The following THEMIS variants were observed in gnomAD, a reference collection of about 807,000 sequenced individuals.
The protein encoded by THEMIS is thymocyte selection associated.
A neutral mutation model predicts 52.6 loss-of-function variants in THEMIS; 37 were observed. The observed-to-expected ratio is 0.70, with a 90% CI of 0.54 to 0.93. The LOEUF (loss-of-function observed/expected upper bound fraction) is 0.93. Among genes scored for constraint, THEMIS ranks in the 40% least tolerant of loss-of-function variants. The probability of loss-of-function intolerance (pLI) is 0.00; values close to 1 mark genes in which losing one functional copy is unlikely to be tolerated. For synonymous variants in THEMIS, 292 were observed against 272.7 expected (o/e 1.07, Z -0.70); for missense variants, 808 against 763.1 (o/e 1.06, Z -0.69).
At chr6:127,729,784 G>A (rs995492557) in intron 4 of THEMIS, among the ~76,000 whole-genome samples, 2 of 152,018 alleles carry the variant, frequency 1.3e-5, no homozygotes, top group Non-Finnish European at 2.9e-5. Context: ...AAGTTCATTC[G>A]AGTAATGAGT....
intron 4 of THEMIS, among the ~76,000 whole-genome samples, chr6:127,731,732 C>T (rs1774805414): frequency 7.8e-6 from 1 of 128,766 alleles, no homozygotes; most frequent in Non-Finnish European, 1.6e-5. Context: ...GAGTCTCGCT[C>T]TGTCGCCCAG....
At chr6:127,855,281 A>G (rs1562302717) in intron 1 of THEMIS, 93 bp from the exon 2 acceptor site, 10 of 1,085,138 alleles carry the variant, frequency 9.2e-6, no homozygotes, top group Non-Finnish European at 1.3e-5. Context: ...GTTTTAATTC[A>G]GTTCCTCTCT....
At chr6:127,847,710 C>T (rs1012370976) in intron 2 of THEMIS, among the ~76,000 whole-genome samples, 6 of 151,764 alleles carry the variant, frequency 4.0e-5, no homozygotes, top group African/African-American at 1.5e-4. Flanking sequence ...GTGAAAATGA[C>T]CACACTGCCC....
At chr6:127,798,558 G>C (rs1169443240) in intron 4 of THEMIS, among the ~76,000 whole-genome samples, 1 of 152,122 alleles carries the variant, frequency 6.6e-6, no homozygotes, top group African/African-American at 2.4e-5. Flanking sequence ...TATTCTCTGA[G>C]CTTCAGTGTT....
intron 4 of THEMIS, among the ~76,000 whole-genome samples, chr6:127,768,005 A>T (rs1313414909): frequency 6.6e-6 from 1 of 152,154 alleles, no homozygotes; most frequent in Non-Finnish European, 1.5e-5. Flanking sequence ...CGTGGGTCTG[A>T]TACAGTCTTT....
chr6:127,755,312 A>C (rs747795670), intron 4 of THEMIS, among the ~76,000 whole-genome samples: 8 of 152,202 alleles, frequency 5.3e-5, no homozygotes, highest in Admixed American at 1.3e-4. Flanking sequence ...GGGATTGGTT[A>C]GTTTGGCTTC....
intron 4 of THEMIS, among the ~76,000 whole-genome samples, chr6:127,788,881 T>C (rs1777064634): frequency 6.6e-6 from 1 of 152,072 alleles, no homozygotes; most frequent in Non-Finnish European, 1.5e-5. Context: ...GCTAAAGTAG[T>C]GTTTAGAGTG....
At chr6:127,824,925 AAAACAAACAAAC>A (rs57655447) in intron 3 of THEMIS, among the ~76,000 whole-genome samples, 1 of 151,214 alleles carries the variant, frequency 6.6e-6, no homozygotes, top group Non-Finnish European at 1.5e-5. Context: ...ACTCCGTCTC[AAAACAAACAAAC>A]AAACAAACAA....
At chr6:127,823,543 C>T (rs1481854636) in intron 3 of THEMIS, among the ~76,000 whole-genome samples, 2 of 152,000 alleles carry the variant, frequency 1.3e-5, no homozygotes, top group Non-Finnish European at 2.9e-5. Context: ...TTATTGAATG[C>T]TTATGGAACA....
In THEMIS at chr6:127,901,009, C is replaced by CAGACA; in HGVS notation, c.-78_-77insTGTCT. ...TCTGGGTGACACTTGTCTGCAATTG[C>CAGACA]AGCCCCTGCTCACCATTTCTTCCTC... On this transcript the variant is annotated 5_prime_UTR_variant, in exon 1 of 6. The change abolishes the stop of an existing upstream ORF in the 5' untranslated region. Transcript: ENST00000368248. 8.9e-7 allele frequency: 1 copy of CAGACA among 1,124,324 alleles called. No homozygotes were observed. Among genetic ancestry groups the CAGACA allele is most frequent in the Non-Finnish European group, 1.4e-6 (1 of 736,956 alleles). The allele number at this position is 1,124,324 out of a possible 1,614,324, so 69.6% of individuals were successfully genotyped here.
chr6:127,733,009 A>G (rs1317980433), intron 4 of THEMIS, among the ~76,000 whole-genome samples: 1 of 152,094 alleles, frequency 6.6e-6, no homozygotes, highest in African/African-American at 2.4e-5. Flanking sequence ...AGTCTATTTA[A>G]CCATTCTAGT....
intron 4 of THEMIS, among the ~76,000 whole-genome samples, chr6:127,721,860 G>A (rs1162432258): frequency 1.3e-5 from 2 of 151,956 alleles, no homozygotes; most frequent in Non-Finnish European, 2.9e-5. Context: ...ATCAAAGAAG[G>A]AATAAGCTTC....
At chr6:127,828,571 A>C (rs916799405) in intron 3 of THEMIS, among the ~76,000 whole-genome samples, 6 of 152,202 alleles carry the variant, frequency 3.9e-5, no homozygotes, top group African/African-American at 1.4e-4. Flanking sequence ...ATAATCCTGA[A>C]AATTCAAGGT....
chr6:127,793,109 T>C (rs1777212944), intron 4 of THEMIS, among the ~76,000 whole-genome samples: 2 of 152,154 alleles, frequency 1.3e-5, no homozygotes, highest in Admixed American at 1.3e-4. Context: ...CGAAAACAAA[T>C]TGAGTTAGTT....
chr6:127,784,990 TCTATCTATCTATCTATTATC>T (rs1248992074), intron 4 of THEMIS, among the ~76,000 whole-genome samples: 3 of 124,164 alleles, frequency 2.4e-5, no homozygotes, highest in Admixed American at 7.4e-5. Context: ...TATCTATCTA[TCTATCTATCTATCTATTATC>T]TATCTATCTA....
At chr6:127,859,919 A>T (rs1779740132) in intron 1 of THEMIS, among the ~76,000 whole-genome samples, 1 of 152,148 alleles carries the variant, frequency 6.6e-6, no homozygotes, top group Non-Finnish European at 1.5e-5. Context: ...AATAGGTGTG[A>T]TTATTTTTTG....
At position 127,824,893 on chromosome 6, in the gene THEMIS, C is replaced by G. The variant is rs151335886; in HGVS notation, c.709+4583G>C. ...TGAGCGGAGATTGCGCCACTGCACT[C>G]CAGCCTGGGCGACAGAGGGAGACTC... On this transcript the variant is annotated intron_variant, in intron 3 of 5. Transcript: ENST00000368248. Among the ~76,000 whole-genome samples, 403 of 152,050 alleles carry G rather than the reference C, an allele frequency of 2.7e-3. 3 individuals are homozygous for G. Among genetic ancestry groups the G allele is most frequent in the African/African-American group, 9.0e-3 (373 of 41,424 alleles).
intron 4 of THEMIS, among the ~76,000 whole-genome samples, chr6:127,728,211 G>A (rs1269309501): frequency 6.6e-6 from 1 of 152,064 alleles, no homozygotes; most frequent in Non-Finnish European, 1.5e-5. Flanking sequence ...CCATCCTCAC[G>A]ATCTTGGATT....
intron 4 of THEMIS, among the ~76,000 whole-genome samples, chr6:127,785,145 C>G (rs1301875451): frequency 6.6e-6 from 1 of 151,818 alleles, no homozygotes; most frequent in Non-Finnish European, 1.5e-5. Flanking sequence ...TATTGTCTAC[C>G]TACCTAATCT....
Sources: allele counts gnomAD v4.1 joint callset (sites outside exome capture counted in the v4.1 genomes callset), GRCh38; gene constraint gnomAD v4.1.1; transcripts MANE v1.5; gene names NCBI Gene and HGNC (gene_info 2026-07-23, HGNC 2026-07-21).